Variants in ANKH observed in about 807,000 individuals in gnomAD.
ANKH encodes mineralization regulator ANKH.
ANKH carries 15 observed loss-of-function variants against 49.0 expected under a neutral mutation model. That is an observed-to-expected ratio of 0.31 (90% CI 0.20 to 0.47). ANKH has a LOEUF of 0.47. ANKH is among the 20% of genes least tolerant of loss of function. The pLI is 1.00. For synonymous variants in ANKH, 273 were observed against 260.0 expected, an observed-to-expected ratio of 1.05 and a Z score of -0.48; for missense variants, 429 against 652.0, an observed-to-expected ratio of 0.66 and a Z score of 3.72.
In ANKH at chr5:14,745,506, G is replaced by T. The variant is rs1323005298; in HGVS notation, c.915+364C>A. On this transcript the variant is annotated intron_variant, in intron 7 of 11. Transcript: ENST00000284268. The surrounding 1 kb of genome is among the most constrained non-coding windows in gnomAD (Gnocchi z 4.7). ...CTTCCTGCCTACACCTTAGCCATCTGGTATGGGGTCAGCAAAGCATTCGTT... is the reference window on the plus strand; with the variant it reads ...CTTCCTGCCTACACCTTAGCCATCTTGTATGGGGTCAGCAAAGCATTCGTT... 7.2e-5 allele frequency among the ~76,000 whole-genome samples: 11 copies of T among 152,168 alleles called. No homozygotes were observed. The highest frequency in any genetic ancestry group is 2.4e-4 in the African/African-American group (10 of 41,448).
chr5:14,818,699 C>G (rs115575348), intron 1 of ANKH, among the ~76,000 whole-genome samples: 2,217 of 151,242 alleles, frequency 0.015, 47 homozygotes, highest in African/African-American at 0.051. Flanking sequence ...GAATTAGACC[C>G]CTGTGTGCAC....
At chr5:14,842,718 G>GT (rs1741847803) in intron 1 of ANKH, among the ~76,000 whole-genome samples, 1 of 152,168 alleles carries the variant, frequency 6.6e-6, no homozygotes, top group Admixed American at 6.5e-5. Context: ...CAGAGACAGG[G>GT]AGTGGGGGTT....
At chr5:14,858,742 TAA>T (rs1401189501) in intron 1 of ANKH, among the ~76,000 whole-genome samples, 1 of 92,206 alleles carries the variant, frequency 1.1e-5, no homozygotes, top group Admixed American at 1.1e-4. Flanking sequence ...AATAAATAAA[TAA>T]ATAAATAAAT....
chr5:14,722,578 G>A (rs1737703648), intron 8 of ANKH, among the ~76,000 whole-genome samples: 1 of 152,176 alleles, frequency 6.6e-6, no homozygotes, highest in Non-Finnish European at 1.5e-5. Flanking sequence ...CAGGCAGAAG[G>A]AGCTTCCGAA....
chr5:14,735,682 C>T (rs1169227256), intron 8 of ANKH, among the ~76,000 whole-genome samples: 1 of 152,152 alleles, frequency 6.6e-6, no homozygotes, highest in Non-Finnish European at 1.5e-5. Flanking sequence ...TGGGCTGAGG[C>T]AGCAAAACTC....
At chr5:14,744,564 C>T (rs983313734) in intron 7 of ANKH, among the ~76,000 whole-genome samples, 24 of 151,914 alleles carry the variant, frequency 1.6e-4, no homozygotes, top group African/African-American at 5.1e-4. Flanking sequence ...TGGAGGTGGA[C>T]GTGTGTGTGT....
At chr5:14,739,805 A>C (rs1738298458) in intron 8 of ANKH, among the ~76,000 whole-genome samples, 1 of 152,176 alleles carries the variant, frequency 6.6e-6, no homozygotes, top group African/African-American at 2.4e-5. Context: ...GGTTTTGACT[A>C]GTTCATCTCC....
chr5:14,736,362 A>C (rs1738181881), intron 8 of ANKH, among the ~76,000 whole-genome samples: 1 of 152,198 alleles, frequency 6.6e-6, no homozygotes, highest in African/African-American at 2.4e-5. Context: ...ATCTTGAAAC[A>C]GGTCAGCTCG....
chr5:14,787,487 G>A (rs1460133095), intron 1 of ANKH, among the ~76,000 whole-genome samples: 1 of 152,104 alleles, frequency 6.6e-6, no homozygotes. Context: ...ACACCAAGCT[G>A]TTCATCCTGG....
chr5:14,720,771 G>A (rs1737633476), intron 8 of ANKH, among the ~76,000 whole-genome samples: 1 of 152,220 alleles, frequency 6.6e-6, no homozygotes, highest in African/African-American at 2.4e-5. Flanking sequence ...TACTGATTTT[G>A]CAGCCAGCAA....
intron 1 of ANKH, among the ~76,000 whole-genome samples, chr5:14,859,926 C>G (rs539013165): frequency 4.5e-4 from 68 of 152,340 alleles, no homozygotes; most frequent in Non-Finnish European, 6.3e-4. Context: ...TGGCAGGTCT[C>G]TACTATACCT....
At chr5:14,744,130 A>G (rs1029193207) in intron 7 of ANKH, among the ~76,000 whole-genome samples, 5 of 152,212 alleles carry the variant, frequency 3.3e-5, no homozygotes, top group African/African-American at 1.2e-4. Context: ...ATTTCTATCT[A>G]TAGACTGAAT....
Position 14,725,165 on chromosome 5 carries a change from G to A in ANKH, c.1012-8330C>T, listed in dbSNP as rs1012283265. Among the ~76,000 whole-genome samples the A allele has an allele frequency of 7.2e-5, 11 of 152,158 alleles. No homozygotes were observed. Among genetic ancestry groups the A allele is most frequent in the Non-Finnish European group, 1.3e-4 (9 of 68,024 alleles). Reference sequence around the variant, plus strand: ...GGCTTGGCACTGGCGCCTGACTGCCGGGCTGGCACTCCAACCCAGCTGTGT... The same window carrying A: ...GGCTTGGCACTGGCGCCTGACTGCCAGGCTGGCACTCCAACCCAGCTGTGT... On this transcript the variant is annotated intron_variant, in intron 8 of 11. Transcript: ENST00000284268. The surrounding 1 kb of genome is among the most constrained non-coding windows in gnomAD (Gnocchi z 4.0).
At chr5:14,739,090 C>A (rs1259637815) in intron 8 of ANKH, among the ~76,000 whole-genome samples, 1 of 152,154 alleles carries the variant, frequency 6.6e-6, no homozygotes, top group African/African-American at 2.4e-5. Flanking sequence ...GGTGAGTACT[C>A]ATTACAGGGA....
At chr5:14,797,817 C>T (rs1291853559) in intron 1 of ANKH, 8 of 1,611,348 alleles carry the variant, frequency 5.0e-6, no homozygotes, top group African/African-American at 2.7e-5. Context: ...ATCTGAAGCA[C>T]TAAGTAAGTG....
In ANKH at chr5:14,770,339, T is replaced by C. The variant is rs966584376; in HGVS notation, c.97-1148A>G. Among the ~76,000 whole-genome samples the C allele has an allele frequency of 1.3e-5, 2 of 151,840 alleles. No homozygotes were observed. The highest frequency in any genetic ancestry group is 2.4e-5 in the African/African-American group (1 of 41,296). ...TTATTACTCAAAGACCAGACAGTAG[T>C]CCCCCCTTATCCTTAGGGGATACAT... is the stretch of plus-strand genomic sequence containing the variant. On this transcript the variant is annotated intron_variant, in intron 1 of 11. Transcript: ENST00000284268. This position sits in a 1 kb window ranked among gnomAD's most constrained non-coding sequence, Gnocchi z 4.1.
chr5:14,787,013 G>A (rs1217519061), intron 1 of ANKH, among the ~76,000 whole-genome samples: 1 of 152,208 alleles, frequency 6.6e-6, no homozygotes, highest in African/African-American at 2.4e-5. Context: ...TACTGAAGTA[G>A]AAAGAGGCCC....
At chr5:14,765,739 T>A (rs1739239879) in intron 2 of ANKH, among the ~76,000 whole-genome samples, 1 of 152,198 alleles carries the variant, frequency 6.6e-6, no homozygotes, top group Admixed American at 6.5e-5. Flanking sequence ...CTACAAAAGC[T>A]TTTAGTGCTC....
intron 8 of ANKH, among the ~76,000 whole-genome samples, chr5:14,721,187 T>G (rs1004357286): frequency 7.2e-5 from 11 of 152,224 alleles, no homozygotes; most frequent in African/African-American, 2.7e-4. Context: ...GGATTTCCAG[T>G]AGGAGCTTCC....
Sources: allele counts gnomAD v4.1 joint callset (sites outside exome capture counted in the v4.1 genomes callset), GRCh38; gene constraint gnomAD v4.1.1; non-coding constraint Gnocchi (gnomAD v3.1); transcripts MANE v1.5; gene names NCBI Gene and HGNC (gene_info 2026-07-23, HGNC 2026-07-21).